Variants in BBS9 observed in about 807,000 individuals in gnomAD.
BBS9 encodes Bardet-Biedl syndrome 9, also known as protein PTHB1.
BBS9 carries 89 observed loss-of-function variants against 117.7 expected under a neutral mutation model. The observed-to-expected ratio is 0.76, with a 90% CI of 0.64 to 0.90. The LOEUF is 0.90. Among genes scored for constraint, BBS9 ranks in the 40% least tolerant of loss-of-function variants. The probability of loss-of-function intolerance (pLI) is 0.00; values close to 1 mark genes in which losing one functional copy is unlikely to be tolerated. For synonymous variants in BBS9, 379 were observed against 370.9 expected, an observed-to-expected ratio of 1.02 and a Z score of -0.25; for missense variants, 982 against 1,042.2, an observed-to-expected ratio of 0.94 and a Z score of 0.80.
intron 21 of BBS9, among the ~76,000 whole-genome samples, chr7:33,587,091 T>C (rs1014923353): frequency 4.6e-5 from 7 of 152,036 alleles, no homozygotes; most frequent in African/African-American, 1.7e-4. Context: ...ACTCTACTGC[T>C]CAAAGTTGTG....
chr7:33,306,433 A>G (rs897189749), intron 9 of BBS9, among the ~76,000 whole-genome samples: 5 of 152,122 alleles, frequency 3.3e-5, no homozygotes, highest in Non-Finnish European at 7.4e-5. Context: ...ACTCAGGACA[A>G]GAACATGTAG....
In BBS9 at chr7:33,273,101, T is replaced by C; in HGVS notation, c.792T>C (p.Gly264=). The stretch of plus-strand genomic sequence containing the variant: ...CGGCATCCTCTGTTTTTGTTCTTGG[T>C]GAGAGAAACTTTTTTTGCCTTAAGG... ...NQSASSVFVL[G]ERNFFCLKDN... is the part of the protein sequence containing the mutation. Residue 264 remains glycine, a synonymous_variant, in exon 8 of 23, where the codon GGT becomes GGC. Coordinates refer to ENST00000242067, the MANE Select transcript of BBS9 (RefSeq NM_198428.3). 1 of 1,613,790 alleles carries C rather than the reference T, an allele frequency of 6.2e-7. No individual in the cohort carries two copies. Among genetic ancestry groups the C allele is most frequent in the Non-Finnish European group, 8.5e-7 (1 of 1,179,800 alleles).
intron 21 of BBS9, among the ~76,000 whole-genome samples, chr7:33,613,418 T>C (rs898109233): frequency 6.6e-6 from 1 of 151,968 alleles, no homozygotes; most frequent in Non-Finnish European, 1.5e-5. Flanking sequence ...AGTTTGTATA[T>C]TTTCACTTCT....
chr7:33,356,346 C>G (rs1173226065), intron 15 of BBS9, among the ~76,000 whole-genome samples: 1 of 151,734 alleles, frequency 6.6e-6, no homozygotes, highest in African/African-American at 2.4e-5. Context: ...TATCTTAGAT[C>G]ATGTTACCAT....
intron 20 of BBS9, among the ~76,000 whole-genome samples, chr7:33,527,922 A>C (rs1849898228): frequency 6.6e-6 from 1 of 152,350 alleles, no homozygotes; most frequent in African/African-American, 2.4e-5. Context: ...GTACTTTCCA[A>C]GATATTTAAT....
At chr7:33,513,456 A>C (rs1457760674) in intron 20 of BBS9, among the ~76,000 whole-genome samples, 1 of 152,232 alleles carries the variant, frequency 6.6e-6, no homozygotes, top group Non-Finnish European at 1.5e-5. Context: ...TTAAACATAT[A>C]GTTGTATACA....
chr7:33,517,662 A>G (rs979599983), intron 20 of BBS9, among the ~76,000 whole-genome samples: 1 of 152,160 alleles, frequency 6.6e-6, no homozygotes, highest in Non-Finnish European at 1.5e-5. Flanking sequence ...TCGGGCTTTT[A>G]TCTTTGTCTC....
chr7:33,206,120 AATAT>A lies in BBS9; in HGVS notation c.442+28530_442+28533del, dbSNP rs752238597. 2.7e-4 allele frequency among the ~76,000 whole-genome samples: 41 copies of A among 152,192 alleles called. 1 individual carries two copies. The highest frequency in any genetic ancestry group is 4.4e-5 in the Non-Finnish European group (3 of 67,994). On this transcript the variant is annotated intron_variant, in intron 5 of 22. Transcript: ENST00000242067. ...AGGGAGGTCATCTGCGCATTCATCAAATATGTGTGAGCAAACCAGTCCCCAAATC... is the reference window on the plus strand; with the variant it reads ...AGGGAGGTCATCTGCGCATTCATCAAGTGTGAGCAAACCAGTCCCCAAATC...
At chr7:33,538,342 A>G (rs2129066660) in intron 21 of BBS9, among the ~76,000 whole-genome samples, 1 of 152,362 alleles carries the variant, frequency 6.6e-6, no homozygotes, top group Non-Finnish European at 1.5e-5. Flanking sequence ...ACCACCCAGG[A>G]ATTAGCATTT....
intron 9 of BBS9, among the ~76,000 whole-genome samples, chr7:33,333,733 C>T (rs1275462671): frequency 6.6e-6 from 1 of 151,930 alleles, no homozygotes; most frequent in Admixed American, 6.6e-5. Context: ...GCCTCAGTCT[C>T]CTGAGTAGCT....
At chr7:33,492,664 T>C (rs981026212) in intron 19 of BBS9, among the ~76,000 whole-genome samples, 12 of 152,180 alleles carry the variant, frequency 7.9e-5, no homozygotes, top group East Asian at 1.9e-4. Flanking sequence ...CAAATGCAGG[T>C]TTACTTAAAA....
chr7:33,624,991 A>C (rs116567412), intron 21 of BBS9, among the ~76,000 whole-genome samples: 1 of 152,146 alleles, frequency 6.6e-6, no homozygotes, highest in East Asian at 1.9e-4. Flanking sequence ...CAGTACTCTC[A>C]GTAGATGTGT....
rs1789333911 is a variant in BBS9 at position 33,129,996 on chromosome 7, AG to A, written c.-54del. ...TTCATAAAGCAAAATTTGCCGAACG[AG>A]GGTTCGCAGAAAGGTGGGGCAGAGC... is the stretch of plus-strand genomic sequence containing the variant. On this transcript the variant is annotated 5_prime_UTR_variant, in exon 1 of 23. Transcript: ENST00000242067. 6.6e-6 allele frequency: 1 copy of A among 152,184 alleles called. No individual in the cohort carries two copies. Among genetic ancestry groups the A allele is most frequent in the African/African-American group, 2.4e-5 (1 of 41,422 alleles). 9.4% of individuals were successfully genotyped at this position (152,184 alleles called of 1,614,324 possible).
intron 15 of BBS9, among the ~76,000 whole-genome samples, chr7:33,355,109 C>G (rs1353649201): frequency 6.6e-6 from 1 of 152,010 alleles, no homozygotes; most frequent in African/African-American, 2.4e-5. Flanking sequence ...CAATTAGTCT[C>G]TTTCAACTAA....
At position 33,462,057 on chromosome 7, in the gene BBS9, A is replaced by G. The variant is rs114514346; in HGVS notation, c.2116-43406A>G. On this transcript the variant is annotated intron_variant, in intron 19 of 22. Coordinates refer to ENST00000242067, the MANE Select transcript of BBS9 (RefSeq NM_198428.3). ...TTATGATATTCAAACATGAAGATGT[A>G]TAGTTTTTTTGTAGGGTAGGAACAC... 8.8e-3 allele frequency among the ~76,000 whole-genome samples: 1,332 copies of G among 152,144 alleles called. 22 individuals carry two copies. Among genetic ancestry groups the G allele is most frequent in the African/African-American group, 0.031 (1,281 of 41,542 alleles).
chr7:33,476,365 T>C lies in BBS9; in HGVS notation c.2116-29098T>C, dbSNP rs142089516. 2.3e-3 allele frequency among the ~76,000 whole-genome samples: 350 copies of C among 152,282 alleles called. 3 individuals are homozygous for C. The highest frequency in any genetic ancestry group is 3.8e-3 in the Non-Finnish European group (261 of 68,018). On this transcript the variant is annotated intron_variant, in intron 19 of 22. Coordinates refer to ENST00000242067, the MANE Select transcript of BBS9 (RefSeq NM_198428.3). ...CACCCTTCTTTGGCTCTGCTCTATA[T>C]CTTAGAGGGATGCAGGCATTTCTCA... is the stretch of plus-strand genomic sequence containing the variant.
chr7:33,324,846 A>G (rs992861429), intron 9 of BBS9, among the ~76,000 whole-genome samples: 3 of 152,192 alleles, frequency 2.0e-5, no homozygotes, highest in African/African-American at 7.2e-5. Flanking sequence ...TTTCTGCCAG[A>G]CATACTGGAG....
chr7:33,149,487 C>G (rs1385932706), intron 2 of BBS9, among the ~76,000 whole-genome samples: 1 of 152,032 alleles, frequency 6.6e-6, no homozygotes, highest in Non-Finnish European at 1.5e-5. Context: ...AATTGAACAC[C>G]CCATGCATTT....
intron 19 of BBS9, among the ~76,000 whole-genome samples, chr7:33,465,695 T>C (rs1344522771): frequency 6.6e-6 from 1 of 152,146 alleles, no homozygotes; most frequent in Non-Finnish European, 1.5e-5. Flanking sequence ...GTGGTGACAA[T>C]AGCCTCATTT....
Sources: gnomAD v4.1 joint callset for allele counts (sites outside exome capture counted in the v4.1 genomes callset) on GRCh38, gnomAD v4.1.1 for gene constraint, MANE v1.5 for transcripts, NCBI Gene and HGNC (gene_info 2026-07-23, HGNC 2026-07-21) for gene names.